CDYL2: variants seen among roughly 807,000 people sequenced by gnomAD.
The protein encoded by CDYL2 is chromodomain Y-like protein 2.
CDYL2 carries 23 observed loss-of-function variants against 49.4 expected under a neutral mutation model. That is an observed-to-expected ratio of 0.47 (90% CI 0.34 to 0.66). The LOEUF is 0.66. Among genes scored for constraint, CDYL2 ranks in the 30% least tolerant of loss-of-function variants. The pLI is 0.01. For synonymous variants in CDYL2, 360 were observed against 268.8 expected (o/e 1.34, Z -3.32); for missense variants, 678 against 656.4 (o/e 1.03, Z -0.36).
chr16:80,618,334 T>C (rs1906923009), intron 4 of CDYL2, among the ~76,000 whole-genome samples: 1 of 152,208 alleles, frequency 6.6e-6, no homozygotes, highest in Admixed American at 6.5e-5. Flanking sequence ...CTGACACCTC[T>C]TTCTCCATGA....
intron 3 of CDYL2, among the ~76,000 whole-genome samples, chr16:80,630,783 C>T (rs996155562): frequency 6.6e-6 from 1 of 152,218 alleles, no homozygotes; most frequent in South Asian, 2.1e-4. Flanking sequence ...CCCACAACCC[C>T]GTAAAAGAAC....
chr16:80,656,495 GAGGGC>G (rs1258120669), intron 2 of CDYL2, among the ~76,000 whole-genome samples: 1 of 152,242 alleles, frequency 6.6e-6, no homozygotes, highest in Non-Finnish European at 1.5e-5. Context: ...TGTGAAATGG[GAGGGC>G]AGCTGAGAAG....
chr16:80,714,771 G>A (rs1904739259), intron 1 of CDYL2, among the ~76,000 whole-genome samples: 1 of 152,168 alleles, frequency 6.6e-6, no homozygotes, highest in South Asian at 2.1e-4. Context: ...GCTCCTGAGG[G>A]TTGCTCAGTG....
intron 4 of CDYL2, among the ~76,000 whole-genome samples, chr16:80,615,017 G>A (rs1015151269): frequency 6.6e-6 from 1 of 152,152 alleles, no homozygotes; most frequent in Non-Finnish European, 1.5e-5. Context: ...AATGTTCTGC[G>A]GGGGTAGAAG....
intron 1 of CDYL2, among the ~76,000 whole-genome samples, chr16:80,686,762 A>G (rs976334855): frequency 7.9e-5 from 12 of 152,338 alleles, no homozygotes; most frequent in Middle Eastern, 3.4e-3. Context: ...TGCACTTAAT[A>G]AATATGCAAA....
At chr16:80,709,315 G>T (rs1904511135) in intron 1 of CDYL2, among the ~76,000 whole-genome samples, 1 of 150,418 alleles carries the variant, frequency 6.6e-6, no homozygotes, top group Admixed American at 6.6e-5. Flanking sequence ...CCGGGGAGTG[G>T]AGGTTGCAGT....
rs552376494 is a variant in CDYL2 at position 80,722,052 on chromosome 16, G to T, written c.25-36923C>A. Among the ~76,000 whole-genome samples the T allele has an allele frequency of 2.7e-4, 41 of 152,276 alleles. No homozygotes were observed. In the South Asian group the frequency reaches 3.9e-3, roughly 15 times the overall value. On this transcript the variant is annotated intron_variant, in intron 1 of 6. Coordinates refer to ENST00000570137, the MANE Select transcript of CDYL2 (RefSeq NM_152342.4). ...AGGAGCTGAGAGAATGTCTAAAAGG[G>T]CTCTATAAACAAATTAAAATAAAAA...
At chr16:80,628,992 T>G (rs1043344201) in intron 3 of CDYL2, among the ~76,000 whole-genome samples, 5 of 151,938 alleles carry the variant, frequency 3.3e-5, no homozygotes, top group Non-Finnish European at 5.9e-5. Flanking sequence ...CCCGTTCCAG[T>G]CAGAGCACAT....
chr16:80,692,728 A>G (rs1393552363), intron 1 of CDYL2, among the ~76,000 whole-genome samples: 2 of 152,216 alleles, frequency 1.3e-5, no homozygotes, highest in African/African-American at 2.4e-5. Context: ...ATGCCAAGTT[A>G]AGATAATGAG....
At position 80,612,964 on chromosome 16, in the gene CDYL2, G is replaced by T; in HGVS notation, c.1008-128C>A. 1.3e-6 allele frequency: 1 copy of T among 771,394 alleles called. No individual in the cohort carries two copies. The highest frequency in any genetic ancestry group is 3.1e-5 in the Admixed American group (1 of 32,050). 47.8% of individuals were successfully genotyped at this position (771,394 alleles called of 1,614,324 possible). A position where few individuals can be genotyped will look rare whatever the true frequency, so the allele number is the denominator to read the frequency against. On this transcript the variant is annotated intron_variant, in intron 4 of 6. Transcript: ENST00000570137. The surrounding 1 kb of genome is among the most constrained non-coding windows in gnomAD (Gnocchi z 5.0). Reference sequence around the variant, plus strand: ...TCAGAGGTTAGAGGTGCCAGGCAAGGGCCTCATTGCCTGGACATGGAACCA... The same window carrying T: ...TCAGAGGTTAGAGGTGCCAGGCAAGTGCCTCATTGCCTGGACATGGAACCA...
chr16:80,683,538 G>A (rs937429730), intron 2 of CDYL2, among the ~76,000 whole-genome samples: 1 of 151,668 alleles, frequency 6.6e-6, no homozygotes, highest in African/African-American at 2.4e-5. Flanking sequence ...TATGCAGGCT[G>A]TGTTAGAGTA....
chr16:80,721,460 T>C (rs943997403), intron 1 of CDYL2, among the ~76,000 whole-genome samples: 3 of 152,086 alleles, frequency 2.0e-5, no homozygotes, highest in Non-Finnish European at 2.9e-5. Context: ...GATGGGGAAG[T>C]CCTTCCATCA....
At chr16:80,632,730 G>GAGA in intron 3 of CDYL2, 1 of 375,112 alleles carries the variant, frequency 2.7e-6, no homozygotes, top group Admixed American at 3.9e-5. Context: ...GTGATGTTTG[G>GAGA]ATTCTGGGTC....
At chr16:80,677,510 G>A (rs374945126) in intron 2 of CDYL2, among the ~76,000 whole-genome samples, 3 of 151,920 alleles carry the variant, frequency 2.0e-5, no homozygotes, top group Non-Finnish European at 2.9e-5. Context: ...AGGCTGAGGC[G>A]GGCGGACCAC....
chr16:80,696,767 T>C lies in CDYL2; in HGVS notation c.25-11638A>G, dbSNP rs1373300403. 5.3e-5 allele frequency among the ~76,000 whole-genome samples: 8 copies of C among 151,738 alleles called. No individual in the cohort carries two copies. The East Asian group carries it at 1.5e-3, about 29-fold the overall frequency. On this transcript the variant is annotated intron_variant, in intron 1 of 6. Coordinates refer to ENST00000570137, the MANE Select transcript of CDYL2 (RefSeq NM_152342.4). The stretch of plus-strand genomic sequence containing the variant: ...AAGAAAAGTCCAGAACAGGATGGCT[T>C]TACTGCTGAATTCTACCAAACTTTT...
At position 80,619,524 on chromosome 16, in the gene CDYL2, T is replaced by C. The variant is rs550256962; in HGVS notation, c.1007+1239A>G. ...TCACAAAAATGGGCACTTGTTTCTC[T>C]GGATGGGCTCTGGTGGCCTCATGCA... is the stretch of plus-strand genomic sequence containing the variant. On this transcript the variant is annotated intron_variant, in intron 4 of 6. Coordinates refer to ENST00000570137, the MANE Select transcript of CDYL2 (RefSeq NM_152342.4). 6.6e-5 allele frequency among the ~76,000 whole-genome samples: 10 copies of C among 152,344 alleles called. No homozygotes were observed. In the South Asian group the frequency reaches 2.1e-3, roughly 32 times the overall value.
chr16:80,729,150 AC>A (rs953214531), intron 1 of CDYL2, among the ~76,000 whole-genome samples: 1 of 152,330 alleles, frequency 6.6e-6, no homozygotes, highest in Admixed American at 6.5e-5. Context: ...AAAGACACAC[AC>A]TGGCAAATTG....
At chr16:80,739,642 A>T (rs962543725) in intron 1 of CDYL2, among the ~76,000 whole-genome samples, 1 of 152,084 alleles carries the variant, frequency 6.6e-6, no homozygotes, top group Non-Finnish European at 1.5e-5. Context: ...GTGTGCTGGC[A>T]TCCTGCTCTG....
Position 80,684,644 on chromosome 16 carries a change from A to G in CDYL2, c.510T>C (p.Phe170=). 6.2e-7 allele frequency: 1 copy of G among 1,614,172 alleles called. No homozygotes were observed. The highest frequency in any genetic ancestry group is 8.5e-7 in the Non-Finnish European group (1 of 1,180,024). The change falls in exon 2 of 7, where the codon TTT becomes TTC. Residue 170 remains phenylalanine, a synonymous_variant. Transcript: ENST00000570137. ...DAGSEKDERH[F]GNGSHQPGLD... is the part of the protein sequence containing the mutation. Reference sequence around the variant, plus strand: ...AGCCAGGCTGATGGGACCCATTTCCAAAGTGCCTCTCATCCTTCTCAGAGC... The same window carrying G: ...AGCCAGGCTGATGGGACCCATTTCCGAAGTGCCTCTCATCCTTCTCAGAGC...
Sources: gnomAD v4.1 joint callset for allele counts (sites outside exome capture counted in the v4.1 genomes callset) on GRCh38, gnomAD v4.1.1 for gene constraint, Gnocchi (gnomAD v3.1) non-coding constraint, MANE v1.5 for transcripts, NCBI Gene and HGNC (gene_info 2026-07-23, HGNC 2026-07-21) for gene names.